Variants in RCSD1 observed in about 807,000 individuals in gnomAD.
The protein encoded by RCSD1 is RCSD domain containing 1, also known as capZ-interacting protein.
In RCSD1, 26 loss-of-function variants were observed where a neutral mutation model predicts 42.5. The ratio of observed to expected loss-of-function variants is 0.61; its 90% CI spans 0.45 to 0.85. The LOEUF (loss-of-function observed/expected upper bound fraction) is 0.85, where lower values mean the gene tolerates loss of function less well. Among genes scored for constraint, RCSD1 ranks in the 40% least tolerant of loss-of-function variants. The pLI, the probability that RCSD1 is intolerant of heterozygous loss-of-function variation, is 0.00. For missense variants in RCSD1, 571 were observed against 528.3 expected (o/e 1.08, Z -0.79); for synonymous variants, 220 against 212.2 (o/e 1.04, Z -0.32).
At chr1:167,632,158 G>C (rs1657717647) in intron 1 of RCSD1, among the ~76,000 whole-genome samples, 1 of 152,232 alleles carries the variant, frequency 6.6e-6, no homozygotes, top group Non-Finnish European at 1.5e-5. Context: ...GCAGAGGAGG[G>C]AAATGGCCCA....
chr1:167,699,787 C>T (rs1659595447), intron 6 of RCSD1, among the ~76,000 whole-genome samples: 1 of 152,200 alleles, frequency 6.6e-6, no homozygotes, highest in Admixed American at 6.5e-5. Context: ...AGCTCATTCC[C>T]ACTTCAGAGC....
In RCSD1 at chr1:167,708,067, G is replaced by T. The variant is rs1659799769; in HGVS notation, c.*3371G>T. Among the ~76,000 whole-genome samples the T allele has an allele frequency of 6.6e-6, 1 of 152,248 alleles. No homozygotes were observed. Among genetic ancestry groups the T allele is most frequent in the African/African-American group, 2.4e-5 (1 of 41,526 alleles). ...GCTTATTCTTTCACCATTACTGTGGGGAAAAAGTCCTGTAGAGGCTTTCCA... is the reference window on the plus strand; with the variant it reads ...GCTTATTCTTTCACCATTACTGTGGTGAAAAAGTCCTGTAGAGGCTTTCCA... On this transcript the variant is annotated 3_prime_UTR_variant, in exon 7 of 7. Coordinates refer to ENST00000367854, the MANE Select transcript of RCSD1 (RefSeq NM_052862.4).
chr1:167,701,251 A>ACTTTCTTT (rs1558096006), intron 6 of RCSD1, among the ~76,000 whole-genome samples: 4 of 117,682 alleles, frequency 3.4e-5, no homozygotes, highest in African/African-American at 8.9e-5. Context: ...CCAATTGCCT[A>ACTTTCTTT]GTTTCTTTCT....
At chr1:167,688,235 C>G (rs1659285514) in intron 3 of RCSD1, among the ~76,000 whole-genome samples, 1 of 152,192 alleles carries the variant, frequency 6.6e-6, no homozygotes, top group Non-Finnish European at 1.5e-5. Flanking sequence ...GCAGGGTCCA[C>G]TGAATTTCCA....
rs149316273 is a variant in RCSD1, at chr1:167,708,334, C to T, written c.*3638C>T. On this transcript the variant is annotated 3_prime_UTR_variant, in exon 7 of 7. Coordinates refer to ENST00000367854, the MANE Select transcript of RCSD1 (RefSeq NM_052862.4). Reference sequence around the variant, plus strand: ...TTCCCATAGGGCAAAACCTGAAACACCCAATTACTATCCCATTGTTTGCTT... The same window carrying T: ...TTCCCATAGGGCAAAACCTGAAACATCCAATTACTATCCCATTGTTTGCTT... Among the ~76,000 whole-genome samples, 82 of 152,328 alleles carry T rather than the reference C, an allele frequency of 5.4e-4. No individual in the cohort carries two copies. The East Asian group carries it at 6.9e-3, about 13-fold the overall frequency.
intron 3 of RCSD1, among the ~76,000 whole-genome samples, chr1:167,689,795 G>A (rs2101714177): frequency 6.6e-6 from 1 of 152,302 alleles, no homozygotes; most frequent in South Asian, 2.1e-4. Flanking sequence ...CTTCCTGGGA[G>A]AGACCTTCTG....
intron 1 of RCSD1, among the ~76,000 whole-genome samples, chr1:167,634,340 G>A (rs912709529): frequency 2.0e-5 from 3 of 151,766 alleles, no homozygotes; most frequent in Non-Finnish European, 4.4e-5. Context: ...AGAAAGGCTT[G>A]TTGCATGAGC....
intron 3 of RCSD1, among the ~76,000 whole-genome samples, chr1:167,687,197 A>G (rs1659254916): frequency 6.6e-6 from 1 of 152,178 alleles, no homozygotes; most frequent in Non-Finnish European, 1.5e-5. Flanking sequence ...AAAGGACACT[A>G]CCTCCAGGGA....
At chr1:167,665,847 C>T (rs1197932273) in intron 1 of RCSD1, among the ~76,000 whole-genome samples, 13 of 151,728 alleles carry the variant, frequency 8.6e-5, no homozygotes, top group Admixed American at 6.6e-4. Flanking sequence ...AGTCTCACTC[C>T]GTTGCCCAGT....
chr1:167,638,850 G>T (rs1354602607), intron 1 of RCSD1, among the ~76,000 whole-genome samples: 1 of 152,174 alleles, frequency 6.6e-6, no homozygotes, highest in Admixed American at 6.5e-5. Flanking sequence ...TCATTTTAAA[G>T]ATGACGAAAT....
At chr1:167,659,653 C>A (rs537941124) in intron 1 of RCSD1, among the ~76,000 whole-genome samples, 31 of 152,304 alleles carry the variant, frequency 2.0e-4, no homozygotes, top group African/African-American at 6.0e-4. Flanking sequence ...CATTCCCTGG[C>A]CAGATCTTAC....
At chr1:167,643,680 G>A (rs1658061393) in intron 1 of RCSD1, among the ~76,000 whole-genome samples, 2 of 152,232 alleles carry the variant, frequency 1.3e-5, no homozygotes, top group Non-Finnish European at 2.9e-5. Flanking sequence ...CCATTTACTA[G>A]CTTGTGACCT....
chr1:167,703,806 C>A (rs992956706), intron 6 of RCSD1, among the ~76,000 whole-genome samples: 1 of 152,214 alleles, frequency 6.6e-6, no homozygotes, highest in Non-Finnish European at 1.5e-5. Flanking sequence ...CTCACCCACT[C>A]CCACAGCCTC....
At chr1:167,682,688 T>C (rs184232007) in intron 1 of RCSD1, among the ~76,000 whole-genome samples, 3 of 151,600 alleles carry the variant, frequency 2.0e-5, no homozygotes, top group African/African-American at 7.3e-5. Context: ...TGTGTGTGTG[T>C]GTGTGTGTGT....
intron 6 of RCSD1, among the ~76,000 whole-genome samples, chr1:167,701,061 G>C (rs772371926): frequency 6.6e-6 from 1 of 152,104 alleles, no homozygotes. Context: ...TGCCACTTCC[G>C]TATTCCCAAC....
At chr1:167,636,101 G>A (rs1418019206) in intron 1 of RCSD1, among the ~76,000 whole-genome samples, 1 of 151,934 alleles carries the variant, frequency 6.6e-6, no homozygotes, top group East Asian at 1.9e-4. Context: ...TTTTTCCTTT[G>A]GAGCTTCCTG....
chr1:167,701,252 G>GTTTGTTTGTTTGTTTC (rs1276194168), intron 6 of RCSD1, among the ~76,000 whole-genome samples: 5 of 96,138 alleles, frequency 5.2e-5, no homozygotes, highest in South Asian at 7.9e-4. Context: ...CAATTGCCTA[G>GTTTGTTTGTTTGTTTC]TTTCTTTCTT....
chr1:167,650,372 T>C (rs2102206097), intron 1 of RCSD1, among the ~76,000 whole-genome samples: 1 of 152,300 alleles, frequency 6.6e-6, no homozygotes. Context: ...CTTCCTCCTC[T>C]TCTTGTGGCT....
chr1:167,663,170 CTT>C (rs958421670), intron 1 of RCSD1, among the ~76,000 whole-genome samples: 2 of 152,192 alleles, frequency 1.3e-5, no homozygotes, highest in Non-Finnish European at 2.9e-5. Flanking sequence ...TGCTCAGAGA[CTT>C]AACCCCGTAG....
Sources: gnomAD v4.1 joint callset for allele counts (sites outside exome capture counted in the v4.1 genomes callset) on GRCh38, gnomAD v4.1.1 for gene constraint, MANE v1.5 for transcripts, NCBI Gene and HGNC (gene_info 2026-07-23, HGNC 2026-07-21) for gene names.